The following CYTH4 variants were observed in gnomAD, a reference collection of about 807,000 sequenced individuals.
CYTH4 encodes cytohesin-4.
In CYTH4, 22 loss-of-function variants were observed where a neutral mutation model predicts 57.5. That is an observed-to-expected ratio of 0.38 (90% CI 0.27 to 0.55). The LOEUF is 0.55. Ranked by LOEUF, CYTH4 falls within the 20% of genes least tolerant of loss-of-function variation. CYTH4 has a pLI of 0.74. For synonymous variants in CYTH4, 186 were observed against 206.5 expected (o/e 0.90, Z 0.85); for missense variants, 420 against 535.6 (o/e 0.78, Z 2.13).
chr22:37,284,395 A>G (rs1928475324), intron 1 of CYTH4, among the ~76,000 whole-genome samples: 1 of 152,118 alleles, frequency 6.6e-6, no homozygotes, highest in African/African-American at 2.4e-5. Context: ...AGCTGTGCAA[A>G]TGGACACAGA....
intron 1 of CYTH4, 74 bp downstream of exon 1, chr22:37,282,662 C>A: frequency 2.2e-6 from 3 of 1,336,644 alleles, no homozygotes; most frequent in African/African-American, 1.5e-5. Flanking sequence ...CCCTGCCTCA[C>A]AGGGTCCTAG....
In CYTH4 at chr22:37,311,596, G is replaced by A. The variant is rs184204729; in HGVS notation, c.957+69G>A. The A allele has an allele frequency of 1.7e-3, 2,557 of 1,496,732 alleles. 3 individuals are homozygous for A. The highest frequency in any genetic ancestry group is 2.1e-3 in the Non-Finnish European group (2,285 of 1,077,630). The allele number at this position is 1,496,732 out of a possible 1,614,324, so 92.7% of individuals were successfully genotyped here. On this transcript the variant is annotated intron_variant, in intron 11 of 12. Transcript: ENST00000248901. This position sits in a 1 kb window ranked among gnomAD's most constrained non-coding sequence, Gnocchi z 4.4. ...AAATTTCCTAAACAGAACGTGGGGA[G>A]AGGGCCTGAGGCTGGGCTCTCCAGG...
chr22:37,305,350 T>A (rs1203559965), intron 8 of CYTH4, among the ~76,000 whole-genome samples: 1 of 152,186 alleles, frequency 6.6e-6, no homozygotes, highest in Non-Finnish European at 1.5e-5. Context: ...TAGGAAGCCC[T>A]TATTATCCTC....
In CYTH4 at chr22:37,292,637, C is replaced by G. The variant is rs900610441; in HGVS notation, c.36C>G (p.Ser12Arg). The change falls in exon 2 of 13, where the codon AGC (serine) becomes AGG (arginine). Residue 12 changes from serine to arginine, a missense_variant. Ser to Arg is a moderately radical substitution (Grantham distance 110, BLOSUM62 -1). Coordinates refer to ENST00000248901, the MANE Select transcript of CYTH4 (RefSeq NM_013385.5). Reference sequence around the variant, plus strand: ...TCTCTGTAGAGCCCGCGGAGCTGAGCAGCGGGGAGACGGAAGAGTTACAGA... The same window carrying G: ...TCTCTGTAGAGCCCGCGGAGCTGAGGAGCGGGGAGACGGAAGAGTTACAGA... Reference protein sequence around the residue: ...DLCHPEPAELSSGETEELQRI... With the variant: ...DLCHPEPAELRSGETEELQRI... 5 of 1,613,780 alleles carry G rather than the reference C, an allele frequency of 3.1e-6. No individual in the cohort carries two copies. The highest frequency in any genetic ancestry group is 4.2e-6 in the Non-Finnish European group (5 of 1,179,966).
intron 6 of CYTH4, among the ~76,000 whole-genome samples, chr22:37,299,860 G>A (rs1320750385): frequency 1.3e-5 from 2 of 152,066 alleles, no homozygotes; most frequent in African/African-American, 2.4e-5. Context: ...GCGTGGTGGC[G>A]GGCGCCTGTA....
At chr22:37,285,055 A>G (rs1928500942) in intron 1 of CYTH4, among the ~76,000 whole-genome samples, 1 of 152,100 alleles carries the variant, frequency 6.6e-6, no homozygotes, top group Non-Finnish European at 1.5e-5. Context: ...GGTCCCTCCT[A>G]CTGAGACTTT....
At chr22:37,283,463 C>T (rs1367531103) in intron 1 of CYTH4, among the ~76,000 whole-genome samples, 1 of 152,122 alleles carries the variant, frequency 6.6e-6, no homozygotes, top group African/African-American at 2.4e-5. Context: ...GCTGTCTGCT[C>T]CCCAGGTCCA....
intron 2 of CYTH4, among the ~76,000 whole-genome samples, chr22:37,293,943 G>A (rs1356835568): frequency 6.6e-6 from 1 of 151,798 alleles, no homozygotes; most frequent in African/African-American, 2.4e-5. Flanking sequence ...CAAAGTCCCT[G>A]GAAAGAGGGC....
At chr22:37,289,940 A>G (rs1164189537) in intron 1 of CYTH4, among the ~76,000 whole-genome samples, 1 of 152,138 alleles carries the variant, frequency 6.6e-6, no homozygotes, top group East Asian at 1.9e-4. Flanking sequence ...CAAGAGTGGC[A>G]CCCACACCTG....
intron 1 of CYTH4, among the ~76,000 whole-genome samples, chr22:37,285,828 C>T (rs368018067): frequency 1.2e-4 from 19 of 152,282 alleles, no homozygotes; most frequent in East Asian, 1.2e-3. Context: ...CAGTAGGCTC[C>T]GTGTGCACCA....
rs1929641253 is a variant in CYTH4, at chr22:37,311,488, G to A, written c.918G>A (p.Glu306=). The A allele has an allele frequency of 1.2e-6, 2 of 1,613,936 alleles. No homozygotes were observed. Among genetic ancestry groups the A allele is most frequent in the African/African-American group, 1.3e-5 (1 of 74,912 alleles). Residue 306 remains glutamate (E), a synonymous_variant, in exon 11 of 13, where the codon GAG becomes GAA. Transcript: ENST00000248901. The surrounding 1 kb of genome is among the most constrained non-coding windows in gnomAD (Gnocchi z 4.4). The part of the protein sequence containing the change: ...DKEPRGIIPL[E]NLSVQKVDDP... ...AGCCACGGGGAATTATACCTCTTGA[G>A]AACCTCTCGGTGCAGAAGGTGGATG...
intron 1 of CYTH4, among the ~76,000 whole-genome samples, chr22:37,283,167 G>A (rs1332836292): frequency 3.5e-5 from 5 of 141,798 alleles, no homozygotes; most frequent in African/African-American, 1.3e-4. Context: ...TGGTCTTTGG[G>A]GAGGCTGAGG....
rs774447340 is a variant in CYTH4, at chr22:37,303,284, T to A, written c.578T>A (p.Ile193Asn). The A allele has an allele frequency of 3.1e-6, 5 of 1,614,152 alleles. No homozygotes were observed. Among genetic ancestry groups the A allele is most frequent in the Non-Finnish European group, 4.2e-6 (5 of 1,180,024 alleles). The stretch of plus-strand genomic sequence containing the variant: ...TGCTACGTGTTGTCCTTCTCCATCA[T>A]CATGCTCAACACCAGCCTCCACAAT... Reference protein sequence around the residue: ...DTCYVLSFSIIMLNTSLHNPN... With the variant: ...DTCYVLSFSINMLNTSLHNPN... The change falls in exon 8 of 13, where the codon ATC becomes AAC. Residue 193 changes from isoleucine to asparagine, a missense_variant. Transcript: ENST00000248901.
chr22:37,310,925 C>G, intron 9 of CYTH4, 63 bp from the exon 10 acceptor site: 1 of 1,582,422 alleles, frequency 6.3e-7, no homozygotes, highest in Non-Finnish European at 8.7e-7. Context: ...CTGCCCTTCC[C>G]TGGAGGAGGT....
chr22:37,292,732 G>A (rs1246129105), intron 2 of CYTH4, 29 bp downstream of exon 2: 4 of 1,609,484 alleles, frequency 2.5e-6, no homozygotes, highest in African/African-American at 1.3e-5. Context: ...CCACACACGT[G>A]TCCATGCCCA....
intron 4 of CYTH4, among the ~76,000 whole-genome samples, chr22:37,296,877 G>T: frequency 6.6e-6 from 1 of 152,306 alleles, no homozygotes; most frequent in Middle Eastern, 3.4e-3. Context: ...TTCCAGCAGT[G>T]GAACACAGAG....
chr22:37,297,502 T>A, intron 4 of CYTH4, 62 bp from the exon 5 acceptor site: 6 of 1,460,836 alleles, frequency 4.1e-6, no homozygotes, highest in Non-Finnish European at 5.7e-6. Context: ...CCTTCCTCCC[T>A]TCCCCCTCCC....
In CYTH4 at chr22:37,303,381, C is replaced by A. The variant is rs765068937; in HGVS notation, c.675C>A (p.Asp225Glu). The A allele has an allele frequency of 2.0e-5, 33 of 1,613,814 alleles. No individual in the cohort carries two copies. Among genetic ancestry groups the A allele is most frequent in the East Asian group, 1.3e-4 (6 of 44,868 alleles). Reference sequence around the variant, plus strand: ...ACCGCGGCATCAACAATGGTAGCGACCTGCCCGAGGACCAGCTGCGGGTGA... The same window carrying A: ...ACCGCGGCATCAACAATGGTAGCGAACTGCCCGAGGACCAGCTGCGGGTGA... ...SMNRGINNGS[D>E]LPEDQLRNLF... Residue 225 changes from aspartate to glutamate, a missense_variant, in exon 8 of 13, where the codon GAC becomes GAA. Physicochemically the swap from Asp to Glu is conservative, Grantham distance 45. Transcript: ENST00000248901.
intron 1 of CYTH4, among the ~76,000 whole-genome samples, chr22:37,289,500 T>A (rs1928671918): frequency 6.6e-6 from 1 of 152,188 alleles, no homozygotes; most frequent in Non-Finnish European, 1.5e-5. Flanking sequence ...GCCTTGGGCA[T>A]TTTCCTCTGT....
Sources: gnomAD v4.1 joint callset for allele counts (sites outside exome capture counted in the v4.1 genomes callset) on GRCh38, gnomAD v4.1.1 for gene constraint, Gnocchi (gnomAD v3.1) non-coding constraint, MANE v1.5 for transcripts, NCBI Gene and HGNC (gene_info 2026-07-23, HGNC 2026-07-21) for gene names.